The following TIPIN variants were observed in gnomAD, a reference collection of about 807,000 sequenced individuals.
The protein encoded by TIPIN is TIMELESS interacting protein.
Under a neutral mutation model 35.6 loss-of-function variants are expected in TIPIN, and 29 were observed. That is an observed-to-expected ratio of 0.82 (90% CI 0.61 to 1.11). The LOEUF is 1.11. TIPIN is among the 50% of genes most tolerant of loss of function. The pLI, the probability that TIPIN is intolerant of heterozygous loss-of-function variation, is 0.00. For missense variants in TIPIN, 296 were observed against 345.4 expected (o/e 0.86, Z 1.13); for synonymous variants, 102 against 121.5 (o/e 0.84, Z 1.06).
At chr15:66,341,050 C>G (rs2093082836) in intron 7 of TIPIN, 100 bp downstream of exon 7, 3 of 1,048,822 alleles carry the variant, frequency 2.9e-6, no homozygotes, top group Non-Finnish European at 4.2e-6. Flanking sequence ...CTTTTCCACT[C>G]CTAGAAGTAT....
upstream of TIPIN, among the ~76,000 whole-genome samples, chr15:66,360,235 A>T (rs1028440470): frequency 1.3e-5 from 2 of 152,158 alleles, no homozygotes; most frequent in African/African-American, 4.8e-5. Flanking sequence ...TAAAAAATAA[A>T]AATAAAAGTA....
At chr15:66,384,510 TC>T (rs1272981455) in intron 1 of TIPIN, among the ~76,000 whole-genome samples, 1 of 151,882 alleles carries the variant, frequency 6.6e-6, no homozygotes, top group Non-Finnish European at 1.5e-5. Context: ...GCCAGGCTGA[TC>T]TTGAAGTCCT....
At chr15:66,339,874 AT>A (rs199989826) in intron 7 of TIPIN, among the ~76,000 whole-genome samples, 1,616 of 146,458 alleles carry the variant, frequency 0.011, 50 homozygotes, top group Admixed American at 0.064. Flanking sequence ...AAGAAAAAGC[AT>A]TTTTTTTTTT....
chr15:66,366,482 A>C (rs995103538), intron 1 of TIPIN, among the ~76,000 whole-genome samples: 3 of 150,628 alleles, frequency 2.0e-5, no homozygotes, highest in Non-Finnish European at 4.4e-5. Flanking sequence ...AGCTGGGTGC[A>C]GTGGCTCATG....
chr15:66,365,314 T>C (rs1035069131), intron 1 of TIPIN, among the ~76,000 whole-genome samples: 1 of 152,084 alleles, frequency 6.6e-6, no homozygotes, highest in Non-Finnish European at 1.5e-5. Flanking sequence ...TACATTCTAA[T>C]ACATTAACAT....
intron 1 of TIPIN, among the ~76,000 whole-genome samples, chr15:66,370,454 G>C (rs944001172): frequency 2.0e-5 from 3 of 151,808 alleles, no homozygotes; most frequent in Non-Finnish European, 4.4e-5. Flanking sequence ...AACCAAGGAA[G>C]CGGATGTCCT....
chr15:66,367,187 A>AATCTATCTCTATATCTAT (rs1555410014), intron 1 of TIPIN, among the ~76,000 whole-genome samples: 1 of 130,854 alleles, frequency 7.6e-6, no homozygotes, highest in African/African-American at 2.6e-5. Context: ...CTCAAAAAAA[A>AATCTATCTCTATATCTAT]ATCTATATCT....
chr15:66,373,605 ACACAAATATACTCT>A (rs2093285463), intron 1 of TIPIN, among the ~76,000 whole-genome samples: 1 of 152,180 alleles, frequency 6.6e-6, no homozygotes, highest in Admixed American at 6.5e-5. Flanking sequence ...CAAACTGGTT[ACACAAATATACTCT>A]CACCATCAGT....
rs148874971 is a variant in TIPIN, at chr15:66,350,063, G to A, written c.289-626C>T. 3.3e-5 allele frequency among the ~76,000 whole-genome samples: 5 copies of A among 152,000 alleles called. No individual in the cohort carries two copies. The East Asian group carries it at 7.8e-4, about 24-fold the overall frequency. On this transcript the variant is annotated intron_variant, in intron 4 of 7. Coordinates refer to ENST00000261881, the MANE Select transcript of TIPIN (RefSeq NM_017858.3). ...TACAACCTCAGCCTCCCGGGTTTAAGCAATTCTCATGCCTCAGCCTCCCAA... is the reference window on the plus strand; with the variant it reads ...TACAACCTCAGCCTCCCGGGTTTAAACAATTCTCATGCCTCAGCCTCCCAA...
In TIPIN at chr15:66,379,358, A is replaced by T. The variant is rs555018745; in HGVS notation, c.-9+7249T>A. 53 of 1,596,722 alleles carry T rather than the reference A, an allele frequency of 3.3e-5. No homozygotes were observed. In the African/African-American group the frequency reaches 6.1e-4, roughly 18 times the overall value. ...GATCTTATTCATCATCCTGCTGAAC[A>T]GTTCCTTTTTCAGAGACATAGATAC... is the stretch of plus-strand genomic sequence containing the variant. On this transcript the variant is annotated intron_variant, in intron 1 of 7. Transcript: ENST00000562124.
intron 1 of TIPIN, among the ~76,000 whole-genome samples, chr15:66,365,544 G>GT (rs904647103): frequency 3.2e-4 from 49 of 151,762 alleles, no homozygotes; most frequent in East Asian, 5.8e-4. Context: ...TCTGCATATT[G>GT]TTTTTTTTGT....
intron 1 of TIPIN, chr15:66,383,140 G>A (rs910479618): frequency 2.2e-4 from 65 of 289,794 alleles, no homozygotes; most frequent in Non-Finnish European, 1.0e-4. Context: ...CAGAGTGGAA[G>A]TGAGGCCTTG....
Position 66,352,890 on chromosome 15 carries a change from C to A in TIPIN, c.58G>T (p.Asp20Tyr), listed in dbSNP as rs2093178067. The change falls in exon 2 of 8, where the codon GAT becomes TAT. Residue 20 changes from aspartate to tyrosine, a missense_variant. Transcript: ENST00000261881. ...IDLPDYEHVE[D>Y]ETFPPFPPPA... ...GGTGGGAAAGGAGGAAAAGTTTCAT[C>A]TTCTACATGCTCATAATCTGGTAGG... is the stretch of plus-strand genomic sequence containing the variant. 1 of 1,614,004 alleles carries A rather than the reference C, an allele frequency of 6.2e-7. No homozygotes were observed.
At chr15:66,364,008 A>G (rs2093242461) in intron 1 of TIPIN, among the ~76,000 whole-genome samples, 1 of 151,816 alleles carries the variant, frequency 6.6e-6, no homozygotes, top group Non-Finnish European at 1.5e-5. Flanking sequence ...ACAAAAACAA[A>G]GAGCACCAAG....
intron 1 of TIPIN, among the ~76,000 whole-genome samples, chr15:66,364,278 GTC>G (rs987341006): frequency 4.9e-5 from 7 of 141,954 alleles, no homozygotes; most frequent in African/African-American, 1.8e-4. Context: ...CAATTCTCCT[GTC>G]TCAGCCTCCC....
rs142513286 is a variant in TIPIN, at chr15:66,364,396, C to G, written c.-8-11441G>C. Among the ~76,000 whole-genome samples, 1,289 of 151,858 alleles carry G rather than the reference C, an allele frequency of 8.5e-3. 11 individuals are homozygous for G. The highest frequency in any genetic ancestry group is 0.014 in the Non-Finnish European group (956 of 67,960). On this transcript the variant is annotated intron_variant, in intron 1 of 7. Coordinates refer to the TIPIN transcript ENST00000562124. ...GGCCAGGCTGGTCTTGAACTCCTGA[C>G]CTCGTGATCTGCCCGCCTCGGCTTC...
chr15:66,344,487 G>A (rs1312593914), intron 6 of TIPIN, among the ~76,000 whole-genome samples: 1 of 151,922 alleles, frequency 6.6e-6, no homozygotes, highest in East Asian at 1.9e-4. Context: ...GGTATCTTCA[G>A]TAGTAAATGA....
intron 1 of TIPIN, among the ~76,000 whole-genome samples, chr15:66,372,383 T>C (rs373270743): frequency 4.6e-5 from 7 of 152,374 alleles, no homozygotes; most frequent in Admixed American, 2.0e-4. Flanking sequence ...TTTACGCATA[T>C]TGTTGCAAGT....
upstream of TIPIN, among the ~76,000 whole-genome samples, chr15:66,357,397 G>T (rs2093210649): frequency 6.6e-6 from 1 of 152,088 alleles, no homozygotes; most frequent in African/African-American, 2.4e-5. Flanking sequence ...GCTGAGAAAA[G>T]AGGTGGTAAA....
Sources: allele counts gnomAD v4.1 joint callset (sites outside exome capture counted in the v4.1 genomes callset), GRCh38; gene constraint gnomAD v4.1.1; transcripts MANE v1.5; gene names NCBI Gene and HGNC (gene_info 2026-07-23, HGNC 2026-07-21).